The following GALNT14 variants were observed in gnomAD, a reference collection of about 807,000 sequenced individuals.
The protein encoded by GALNT14 is UDP-GalNAc:polypeptide N-acetylgalactosaminyltransferase 14.
Under a neutral mutation model 77.5 loss-of-function variants are expected in GALNT14, and 60 were observed. The ratio of observed to expected loss-of-function variants is 0.77; its 90% CI spans 0.63 to 0.96. The LOEUF (loss-of-function observed/expected upper bound fraction) is 0.96, where lower values mean the gene tolerates loss of function less well. Ranked by LOEUF, GALNT14 falls within the 40% of genes least tolerant of loss-of-function variation. The probability of loss-of-function intolerance (pLI) is 0.00; values close to 1 mark genes in which losing one functional copy is unlikely to be tolerated. For synonymous variants in GALNT14, 280 were observed against 281.7 expected (o/e 0.99, Z 0.06); for missense variants, 710 against 731.0 (o/e 0.97, Z 0.33).
chr2:30,944,220 T>G (rs1666551051), intron 8 of GALNT14, among the ~76,000 whole-genome samples: 1 of 152,162 alleles, frequency 6.6e-6, no homozygotes, highest in South Asian at 2.1e-4. Context: ...CTCTGTGTGG[T>G]GACCACTATG....
In GALNT14 at chr2:31,103,058, T is replaced by C. The variant is rs1677360123; in HGVS notation, c.129+34900A>G. On this transcript the variant is annotated intron_variant, in intron 1 of 14. Transcript: ENST00000349752. ...CTATAAACAACTTAGAATTGGGTTGTGGTGTGCGATCCTTTCTGAAACTCT... is the reference window on the plus strand; with the variant it reads ...CTATAAACAACTTAGAATTGGGTTGCGGTGTGCGATCCTTTCTGAAACTCT... Among the ~76,000 whole-genome samples, 3 of 152,142 alleles carry C rather than the reference T, an allele frequency of 2.0e-5. No homozygotes were observed. In the South Asian group the frequency reaches 6.2e-4, roughly 31 times the overall value.
intron 9 of GALNT14, among the ~76,000 whole-genome samples, chr2:30,935,168 G>C (rs774572591): frequency 1.3e-5 from 2 of 152,094 alleles, no homozygotes; most frequent in Non-Finnish European, 2.9e-5. Context: ...CTTATTTTGC[G>C]ATGCAGAAGC....
chr2:31,000,409 A>C (rs1251906941), intron 1 of GALNT14, among the ~76,000 whole-genome samples: 1 of 150,784 alleles, frequency 6.6e-6, no homozygotes, highest in Non-Finnish European at 1.5e-5. Context: ...TGTATTGGTC[A>C]GGGTTCTACA....
chr2:31,122,031 A>C (rs1189544018), intron 1 of GALNT14, among the ~76,000 whole-genome samples: 3 of 152,312 alleles, frequency 2.0e-5, no homozygotes, highest in Non-Finnish European at 4.4e-5. Context: ...GGGTGAAAAA[A>C]AGGGCAATGC....
intron 1 of GALNT14, among the ~76,000 whole-genome samples, chr2:31,077,779 C>T (rs764484991): frequency 6.6e-6 from 1 of 152,202 alleles, no homozygotes; most frequent in Non-Finnish European, 1.5e-5. Context: ...CACCTTTGGG[C>T]GTCATTCCTT....
downstream of GALNT14, among the ~76,000 whole-genome samples, chr2:30,908,964 T>C (rs1370125275): frequency 6.6e-6 from 1 of 151,790 alleles, no homozygotes; most frequent in Non-Finnish European, 1.5e-5. Context: ...GGGGAAAGGA[T>C]TTGCTATTTA....
At chr2:31,052,995 A>G (rs138237851) in intron 1 of GALNT14, among the ~76,000 whole-genome samples, 3 of 152,234 alleles carry the variant, frequency 2.0e-5, no homozygotes, top group East Asian at 3.9e-4. Flanking sequence ...GCCTAGTCCC[A>G]GTTCCTCACA....
intron 1 of GALNT14, among the ~76,000 whole-genome samples, chr2:31,034,064 G>C (rs553469727): frequency 6.6e-6 from 1 of 152,342 alleles, no homozygotes; most frequent in South Asian, 2.1e-4. Flanking sequence ...AAGGCTCAGA[G>C]AAATTGCCTA....
At chr2:30,998,014 GA>G (rs1171530263) in intron 1 of GALNT14, among the ~76,000 whole-genome samples, 2 of 151,968 alleles carry the variant, frequency 1.3e-5, no homozygotes, top group Admixed American at 1.3e-4. Context: ...ACATATAAAC[GA>G]GATCATTATT....
chr2:31,069,091 C>A (rs1338192650), intron 1 of GALNT14, among the ~76,000 whole-genome samples: 2 of 152,106 alleles, frequency 1.3e-5, no homozygotes, highest in African/African-American at 4.8e-5. Flanking sequence ...TGTTGTATAA[C>A]CCTGAGAATA....
At chr2:31,128,789 C>T (rs994240606) in intron 1 of GALNT14, among the ~76,000 whole-genome samples, 5 of 152,182 alleles carry the variant, frequency 3.3e-5, no homozygotes, top group Non-Finnish European at 7.3e-5. Flanking sequence ...GCTCTTTCCA[C>T]TCCAGAAAGC....
At chr2:30,951,568 A>C (rs1157655363) in intron 6 of GALNT14, among the ~76,000 whole-genome samples, 1 of 152,256 alleles carries the variant, frequency 6.6e-6, no homozygotes, top group Non-Finnish European at 1.5e-5. Context: ...GAATATACTA[A>C]AATCATTCAA....
intron 6 of GALNT14, among the ~76,000 whole-genome samples, chr2:30,954,879 T>C (rs1223271640): frequency 3.9e-5 from 6 of 152,080 alleles, no homozygotes; most frequent in Non-Finnish European, 8.8e-5. Flanking sequence ...ATACCTGACC[T>C]CCTACTTCAC....
chr2:31,000,754 C>G (rs2148420299), intron 1 of GALNT14, among the ~76,000 whole-genome samples: 1 of 152,238 alleles, frequency 6.6e-6, no homozygotes, highest in East Asian at 1.9e-4. Context: ...AAATGTTAGT[C>G]TCATCCAAAA....
intron 2 of GALNT14, among the ~76,000 whole-genome samples, chr2:30,991,960 CCAGTACCA>C (rs1302954436): frequency 2.0e-5 from 3 of 152,178 alleles, no homozygotes; most frequent in African/African-American, 7.2e-5. Context: ...GAAGCTAACA[CCAGTACCA>C]CAGCTTCTCA....
At chr2:31,130,792 A>ACG (rs1553382644) in intron 1 of GALNT14, among the ~76,000 whole-genome samples, 112 of 76,894 alleles carry the variant, frequency 1.5e-3, no homozygotes, top group Admixed American at 5.2e-3. Context: ...GTGCGCGCGC[A>ACG]CCTGTGTGTG....
At position 30,952,842 on chromosome 2, in the gene GALNT14, G is replaced by A. The variant is rs966581183; in HGVS notation, c.654+2776C>T. Among the ~76,000 whole-genome samples, 7 of 152,002 alleles carry A rather than the reference G, an allele frequency of 4.6e-5. No homozygotes were observed. The East Asian group carries it at 5.8e-4, about 13-fold the overall frequency. ...TCCAAAATGTCTGCAATGACCATGG[G>A]TTACTGTTGTAATGGAAGATAAGGT... On this transcript the variant is annotated intron_variant, in intron 6 of 14. Transcript: ENST00000349752.
At chr2:30,919,753 A>G (rs760761233) in intron 13 of GALNT14, among the ~76,000 whole-genome samples, 2 of 152,154 alleles carry the variant, frequency 1.3e-5, no homozygotes, top group Non-Finnish European at 2.9e-5. Context: ...GTTGGGAGTG[A>G]CCCAGCTTGG....
At chr2:30,922,459 C>T (rs865835621) in intron 13 of GALNT14, among the ~76,000 whole-genome samples, 7 of 152,232 alleles carry the variant, frequency 4.6e-5, no homozygotes, top group African/African-American at 1.4e-4. Flanking sequence ...CCAGCCTCAC[C>T]GTCTGCTGCT....
Sources: allele counts gnomAD v4.1 joint callset (sites outside exome capture counted in the v4.1 genomes callset), GRCh38; gene constraint gnomAD v4.1.1; transcripts MANE v1.5; gene names NCBI Gene and HGNC (gene_info 2026-07-23, HGNC 2026-07-21).